RAB36: variants seen among roughly 807,000 people sequenced by gnomAD.
RAB36 encodes the protein ras-related protein Rab-36.
RAB36 carries 33 observed loss-of-function variants against 39.3 expected under a neutral mutation model. The observed-to-expected ratio is 0.84, with a 90% CI of 0.64 to 1.12. The LOEUF (loss-of-function observed/expected upper bound fraction) is 1.12, where lower values mean the gene tolerates loss of function less well. RAB36 is among the 50% of genes most tolerant of loss of function. The pLI is 0.00. For synonymous variants in RAB36, 133 were observed against 140.2 expected, an observed-to-expected ratio of 0.95 and a Z score of 0.36; for missense variants, 308 against 355.3, an observed-to-expected ratio of 0.87 and a Z score of 1.07.
intron 2 of RAB36, 40 bp downstream of exon 2, chr22:23,146,725 C>A: frequency 6.2e-7 from 1 of 1,605,736 alleles, no homozygotes. Flanking sequence ...CCTGGCCCTG[C>A]AGCCACATCA....
At position 23,156,075 on chromosome 22, in the gene RAB36, G is replaced by A. The variant is rs192840494; in HGVS notation, c.394+43G>A. 84 of 1,558,434 alleles carry A rather than the reference G, an allele frequency of 5.4e-5. No homozygotes were observed. The East Asian group carries it at 1.3e-3, about 24-fold the overall frequency. On this transcript the variant is annotated intron_variant, in intron 6 of 10. Transcript: ENST00000263116. ...TCGGGGCTCAACTGCATGCAGCAGC[G>A]GGGTCCCTGCCGGGCTCCACAGTGG...
At chr22:23,151,472 CAGT>C (rs1392140251) in intron 3 of RAB36, among the ~76,000 whole-genome samples, 7 of 152,214 alleles carry the variant, frequency 4.6e-5, no homozygotes, top group Non-Finnish European at 1.0e-4. Context: ...CCAGGTGACA[CAGT>C]GGTGCCCTCT....
At position 23,163,959 on chromosome 22, in the gene RAB36, T is replaced by C. The variant is rs891835460; in HGVS notation, c.*2395T>C. ...TTTGACCCTCCCCATCCGCGGGCCA[T>C]CCGGCTTGTGTCCAGCTTTTAGCTC... On this transcript the variant is annotated 3_prime_UTR_variant, in exon 11 of 11. Transcript: ENST00000263116. 4 of 152,398 alleles carry C rather than the reference T, an allele frequency of 2.6e-5. No individual in the cohort carries two copies. In the Middle Eastern group the frequency reaches 0.01, roughly 386 times the overall value. 9.4% of individuals were successfully genotyped at this position (152,398 alleles called of 1,614,324 possible).
intron 2 of RAB36, among the ~76,000 whole-genome samples, chr22:23,147,018 G>A (rs1423675289): frequency 6.6e-6 from 1 of 152,156 alleles, no homozygotes; most frequent in South Asian, 2.1e-4. Flanking sequence ...GTTACATGAA[G>A]GTAATTCCTC....
At position 23,162,610 on chromosome 22, in the gene RAB36, C is replaced by G. The variant is rs2071868470; in HGVS notation, c.*1046C>G. ...AAATACCCCACACATTCCCCAGCCT[C>G]TCTGCCCAGTATGCTCATCCACAGG... is the stretch of plus-strand genomic sequence containing the variant. On this transcript the variant is annotated 3_prime_UTR_variant, in exon 11 of 11. Coordinates refer to ENST00000263116, the MANE Select transcript of RAB36 (RefSeq NM_004914.5). 2 of 455,942 alleles carry G rather than the reference C, an allele frequency of 4.4e-6. No homozygotes were observed. Among genetic ancestry groups the G allele is most frequent in the Non-Finnish European group, 4.4e-6 (1 of 226,776 alleles). The allele number at this position is 455,942 out of a possible 1,614,324, so 28.2% of individuals were successfully genotyped here.
intron 2 of RAB36, 129 bp from the exon 3 acceptor site, chr22:23,149,934 G>C: frequency 1.4e-6 from 1 of 730,136 alleles, no homozygotes; most frequent in South Asian, 1.6e-5. Context: ...GTCAGGGAAA[G>C]CTAATGAGGC....
intron 4 of RAB36, 72 bp from the exon 5 acceptor site, chr22:23,152,961 A>T (rs2071245306): frequency 9.4e-7 from 1 of 1,060,850 alleles, no homozygotes; most frequent in Non-Finnish European, 1.5e-6. Flanking sequence ...AAAGACTTGC[A>T]GTGTTACAAG....
intron 9 of RAB36, 90 bp downstream of exon 9, chr22:23,159,343 A>G (rs1349826911): frequency 5.5e-6 from 7 of 1,281,570 alleles, no homozygotes; most frequent in Non-Finnish European, 7.5e-6. Flanking sequence ...TTCCCTCTGT[A>G]GCCAGTCGTC....
In RAB36 at chr22:23,158,916, T is replaced by A; in HGVS notation, c.465T>A (p.Ala155=). 1.2e-6 allele frequency: 2 copies of A among 1,614,150 alleles called. No individual in the cohort carries two copies. The highest frequency in any genetic ancestry group is 1.7e-6 in the Non-Finnish European group (2 of 1,179,974). ...LEHTRQWLED[A]LRENEAGSCF... ...ACTCCAGGCAGTGGTTGGAGGATGC[T>A]CTGAGGGAGAACGAGGCAGGCTCCT... The change falls in exon 8 of 11, where the codon GCT becomes GCA. Residue 155 remains alanine, a synonymous_variant. Transcript: ENST00000263116.
chr22:23,156,283 T>G (rs929838765), intron 6 of RAB36: 1 of 429,388 alleles, frequency 2.3e-6, no homozygotes, highest in Admixed American at 4.2e-5. Flanking sequence ...AGCCCCAGTT[T>G]CAGCTCATAA....
intron 3 of RAB36, among the ~76,000 whole-genome samples, chr22:23,151,432 A>ACCTGGCAAGGTGACCTGCAGC (rs1468206753): frequency 6.6e-6 from 1 of 152,182 alleles, no homozygotes; most frequent in Non-Finnish European, 1.5e-5. Flanking sequence ...GCTCTCACGG[A>ACCTGGCAAGGTGACCTGCAGC]CCTGGCAAGG....
At chr22:23,147,652 A>G (rs2070869024) in intron 2 of RAB36, among the ~76,000 whole-genome samples, 1 of 152,192 alleles carries the variant, frequency 6.6e-6, no homozygotes, top group Non-Finnish European at 1.5e-5. Context: ...TATTTCTAGG[A>G]ATTTACTTGG....
rs952883965 is a variant in RAB36 at position 23,162,690 on chromosome 22, A to G, written c.*1126A>G. ...AGCCCCAGGCCCCTGTCACCTGGCT[A>G]TGCCCACTCATCCCACCCGTCTCGT... On this transcript the variant is annotated 3_prime_UTR_variant, in exon 11 of 11. Coordinates refer to ENST00000263116, the MANE Select transcript of RAB36 (RefSeq NM_004914.5). 1.8e-5 allele frequency: 8 copies of G among 456,144 alleles called. No homozygotes were observed. The highest frequency in any genetic ancestry group is 9.4e-5 in the Admixed American group (4 of 42,550). 28.3% of individuals were successfully genotyped at this position (456,144 alleles called of 1,614,324 possible).
At chr22:23,145,333 C>A, upstream of RAB36, 4 of 1,590,364 alleles carry the variant, frequency 2.5e-6, no homozygotes, top group Non-Finnish European at 3.4e-6. Context: ...CTGCTGCCAG[C>A]CCCGCCCAGA....
chr22:23,155,924 T>C (rs548252262), intron 5 of RAB36, 44 bp from the exon 6 acceptor site: 35 of 1,554,362 alleles, frequency 2.3e-5, no homozygotes, highest in Non-Finnish European at 2.9e-5. Flanking sequence ...ACTGTGATTG[T>C]GTAGCCTGAC....
chr22:23,147,018 G>T (rs1423675289), intron 2 of RAB36, among the ~76,000 whole-genome samples: 1 of 152,156 alleles, frequency 6.6e-6, no homozygotes, highest in Non-Finnish European at 1.5e-5. Flanking sequence ...GTTACATGAA[G>T]GTAATTCCTC....
chr22:23,166,147 T>TA (rs695297), downstream of RAB36, among the ~76,000 whole-genome samples: 3,607 of 59,836 alleles, frequency 0.06, 234 homozygotes, highest in East Asian at 0.32. Context: ...CTCTGTCTTT[T>TA]AAAAAAAAAA....
intron 5 of RAB36, among the ~76,000 whole-genome samples, chr22:23,154,048 G>A (rs1601917345): frequency 6.6e-6 from 1 of 152,050 alleles, no homozygotes; most frequent in East Asian, 1.9e-4. Context: ...GCCTCCACTG[G>A]CCTTACCCCT....
downstream of RAB36, among the ~76,000 whole-genome samples, chr22:23,166,147 TAAAAAAAAAAA>T (rs695297): frequency 4.0e-4 from 24 of 59,888 alleles, no homozygotes; most frequent in African/African-American, 8.5e-4. Context: ...CTCTGTCTTT[TAAAAAAAAAAA>T]AAAAAAAAAA....
Sources: allele counts gnomAD v4.1 joint callset (sites outside exome capture counted in the v4.1 genomes callset), GRCh38; gene constraint gnomAD v4.1.1; transcripts MANE v1.5; gene names NCBI Gene and HGNC (gene_info 2026-07-23, HGNC 2026-07-21).